The following PCDHGA5 variants were observed in gnomAD, a reference collection of about 807,000 sequenced individuals.
PCDHGA5 encodes protocadherin gamma subfamily A, 5.
In PCDHGA5, 36 loss-of-function variants were observed where a neutral mutation model predicts 56.7. The observed-to-expected ratio is 0.64, with a 90% CI of 0.49 to 0.84. PCDHGA5 has a LOEUF of 0.84. PCDHGA5 is among the 40% of genes least tolerant of loss of function. PCDHGA5 has a pLI of 0.00. For synonymous variants in PCDHGA5, 563 were observed against 520.2 expected, an observed-to-expected ratio of 1.08 and a Z score of -1.12; for missense variants, 1,305 against 1,201.5, an observed-to-expected ratio of 1.09 and a Z score of -1.27.
rs1275891142 is a variant in PCDHGA5 at position 141,364,350 on chromosome 5, G to C, written c.20G>C (p.Gly7Ala). ...AAGGCAATGGCGAGTCCACCTAGGG[G>C]CTGGGGCTGCGGAGAGCTGCTGCTG... Reference protein sequence around the residue: MASPPRGWGCGELLLPF... With the variant: MASPPRAWGCGELLLPF... Residue 7 changes from glycine (G) to alanine (A), a missense_variant, in exon 1 of 4, where the codon GGC becomes GCC. Physicochemically the swap from Gly to Ala is moderately conservative, Grantham distance 60. Transcript: ENST00000518069. 2 of 1,550,364 alleles carry C rather than the reference G, an allele frequency of 1.3e-6. No individual in the cohort carries two copies. The highest frequency in any genetic ancestry group is 2.5e-5 in the South Asian group (2 of 79,956).
At chr5:141,371,242 A>T in intron 1 of PCDHGA5, 1 of 1,614,034 alleles carries the variant, frequency 6.2e-7, no homozygotes, top group South Asian at 1.1e-5. Context: ...GCCTTCATCA[A>T]TATTGGCAAG....
chr5:141,489,283 G>A lies in PCDHGA5; in HGVS notation c.2422-5524G>A. The A allele has an allele frequency of 6.4e-7, 1 of 1,569,594 alleles. No homozygotes were observed. Among genetic ancestry groups the A allele is most frequent in the Admixed American group, 1.8e-5 (1 of 55,646 alleles). ...CCCACAGCTCGCTGGGAAATGGCAA[G>A]TGCTGTGCATGTTGTCCTTGTGCTG... On this transcript the variant is annotated intron_variant, in intron 1 of 3. Coordinates refer to ENST00000518069, the MANE Select transcript of PCDHGA5 (RefSeq NM_018918.3). This position sits in a 1 kb window ranked among gnomAD's most constrained non-coding sequence, Gnocchi z 4.5.
At position 141,421,262 on chromosome 5, in the gene PCDHGA5, G is replaced by GGCT. The variant is rs748368476; in HGVS notation, c.2421+54525_2421+54527dup. 2.6e-5 allele frequency: 42 copies of GGCT among 1,609,594 alleles called. No homozygotes were observed. The Admixed American group carries it at 3.2e-4, about 12-fold the overall frequency. On this transcript the variant is annotated intron_variant, in intron 1 of 3. Coordinates refer to ENST00000518069, the MANE Select transcript of PCDHGA5 (RefSeq NM_018918.3). ...CGGCTACAGCGCGGGGACCGCAGTC[G>GGCT]GCTGCTGCTGCTGCTGTGCATTTTC...
At chr5:141,409,520 T>TTG (rs767613304) in intron 1 of PCDHGA5, 2 of 1,613,966 alleles carry the variant, frequency 1.2e-6, no homozygotes, top group East Asian at 4.5e-5. Flanking sequence ...AAGCATCACC[T>TTG]TGTATGTCGC....
At chr5:141,428,120 C>A in intron 1 of PCDHGA5, 1 of 1,606,526 alleles carries the variant, frequency 6.2e-7, no homozygotes, top group Non-Finnish European at 8.5e-7. Flanking sequence ...CCATCGAGCC[C>A]GGGCTTTTCA....
Position 141,423,337 on chromosome 5 carries a change from A to G in PCDHGA5, c.2421+56586A>G, listed in dbSNP as rs769321122. The G allele has an allele frequency of 6.0e-5, 97 of 1,614,180 alleles. 1 individual carries two copies. The African/African-American group carries it at 8.9e-4, about 15-fold the overall frequency. ...GGTGGCGGTGGCCGCAGTCTCCTGC[A>G]TCTTCCTGGTCTTTGTCATCGTGCT... On this transcript the variant is annotated intron_variant, in intron 1 of 3. Coordinates refer to ENST00000518069, the MANE Select transcript of PCDHGA5 (RefSeq NM_018918.3).
chr5:141,494,601 A>T (rs1396717178), intron 1 of PCDHGA5, among the ~76,000 whole-genome samples: 1 of 151,892 alleles, frequency 6.6e-6, no homozygotes, highest in East Asian at 1.9e-4. Context: ...ATGAAATGTG[A>T]TTTATCTCTT....
intron 1 of PCDHGA5, among the ~76,000 whole-genome samples, chr5:141,469,492 T>C (rs1233507221): frequency 6.6e-6 from 1 of 152,038 alleles, no homozygotes; most frequent in Non-Finnish European, 1.5e-5. Flanking sequence ...GGAGAATCGC[T>C]TGAACCCGGG....
Position 141,393,006 on chromosome 5 carries a change from C to T in PCDHGA5, c.2421+26255C>T, listed in dbSNP as rs182052960. On this transcript the variant is annotated intron_variant, in intron 1 of 3. Coordinates refer to ENST00000518069, the MANE Select transcript of PCDHGA5 (RefSeq NM_018918.3). ...CCGGAAGCTGGCGAAGCACGGAGTC[C>T]GTATCGTCTCCAGAGGTAGGACGCA... is the stretch of plus-strand genomic sequence containing the variant. 3.5e-3 allele frequency: 5,649 copies of T among 1,613,866 alleles called. 26 individuals are homozygous for T. The highest frequency in any genetic ancestry group is 4.1e-3 in the Non-Finnish European group (4,855 of 1,179,884).
intron 1 of PCDHGA5, chr5:141,399,144 T>G: frequency 6.2e-7 from 1 of 1,613,728 alleles, no homozygotes. Flanking sequence ...AAAATGACAA[T>G]AGCCCAGAAG....
At chr5:141,481,913 C>CAAA (rs34114744) in intron 1 of PCDHGA5, among the ~76,000 whole-genome samples, 3 of 90,796 alleles carry the variant, frequency 3.3e-5, no homozygotes, top group Non-Finnish European at 4.4e-5. Flanking sequence ...AACTCCATCT[C>CAAA]AAAAAAAAAA....
intron 1 of PCDHGA5, chr5:141,409,190 C>T (rs868189970): frequency 6.2e-7 from 1 of 1,613,986 alleles, no homozygotes; most frequent in Non-Finnish European, 8.5e-7. Context: ...TCTCTCTACC[C>T]AGTGTAAAGT....
intron 1 of PCDHGA5, chr5:141,391,723 C>CT (rs1366104842): frequency 6.6e-6 from 1 of 152,126 alleles, no homozygotes; most frequent in African/African-American, 2.4e-5. Flanking sequence ...GGGAAACAGA[C>CT]TTTTTTGTAG....
At chr5:141,370,431 C>T (rs781725502) in intron 1 of PCDHGA5, 6 of 1,599,456 alleles carry the variant, frequency 3.8e-6, no homozygotes, top group Non-Finnish European at 5.1e-6. Context: ...CCCAGCAGGG[C>T]AGAGGCGAAT....
chr5:141,478,358 C>G, intron 1 of PCDHGA5: 1 of 1,613,738 alleles, frequency 6.2e-7, no homozygotes, highest in South Asian at 1.1e-5. Flanking sequence ...GGACGCCGTG[C>G]GGGGAGGCCT....
intron 1 of PCDHGA5, among the ~76,000 whole-genome samples, chr5:141,425,440 A>G (rs1438530374): frequency 2.0e-5 from 3 of 152,248 alleles, no homozygotes; most frequent in Non-Finnish European, 4.4e-5. Flanking sequence ...GAGGATAAAA[A>G]TAAAACACCA....
chr5:141,490,331 C>G lies in PCDHGA5; in HGVS notation c.2422-4476C>G. 6.2e-7 allele frequency: 1 copy of G among 1,614,214 alleles called. No individual in the cohort carries two copies. The highest frequency in any genetic ancestry group is 1.1e-5 in the South Asian group (1 of 91,086). The stretch of plus-strand genomic sequence containing the variant: ...GCCAACCCTGTCCTAGAGAGCACAC[C>G]AGTGGGCACAGTAGTGGGGTTGTTT... On this transcript the variant is annotated intron_variant, in intron 1 of 3. Transcript: ENST00000518069. This position sits in a 1 kb window ranked among gnomAD's most constrained non-coding sequence, Gnocchi z 5.4.
rs367939205 is a variant in PCDHGA5 at position 141,383,529 on chromosome 5, G to A, written c.2421+16778G>A. ...GGGAGGAAGAGCGGGTTCACCACCT[G>A]GTCCTCACAGCCTCTGATGGCGGCG... On this transcript the variant is annotated intron_variant, in intron 1 of 3. Transcript: ENST00000518069. The A allele has an allele frequency of 3.0e-5, 48 of 1,612,474 alleles. No homozygotes were observed. The African/African-American group carries it at 5.7e-4, about 19-fold the overall frequency.
At chr5:141,376,684 T>TTTTTTTTTTG in intron 1 of PCDHGA5, 1 of 809,294 alleles carries the variant, frequency 1.2e-6, no homozygotes, top group African/African-American at 1.9e-5. Flanking sequence ...TCGTTTTTTT[T>TTTTTTTTTTG]TTTTTTTTTT....
Sources: allele counts gnomAD v4.1 joint callset (sites outside exome capture counted in the v4.1 genomes callset), GRCh38; gene constraint gnomAD v4.1.1; non-coding constraint Gnocchi (gnomAD v3.1); transcripts MANE v1.5; gene names NCBI Gene and HGNC (gene_info 2026-07-23, HGNC 2026-07-21).